The following HMMR variants were observed in gnomAD, a reference collection of about 807,000 sequenced individuals.
HMMR encodes the protein intracellular hyaluronic acid-binding protein.
Under a neutral mutation model 101.0 loss-of-function variants are expected in HMMR, and 108 were observed. The ratio of observed to expected loss-of-function variants is 1.07; its 90% confidence interval spans 0.92 to 1.25. HMMR has a LOEUF of 1.25. Ranked by LOEUF, HMMR falls within the 50% of genes most tolerant of loss-of-function variation. The pLI, the probability that HMMR is intolerant of heterozygous loss-of-function variation, is 0.00. For missense variants in HMMR, 813 were observed against 788.7 expected, an observed-to-expected ratio of 1.03 and a Z score of -0.37; for synonymous variants, 296 against 276.4, an observed-to-expected ratio of 1.07 and a Z score of -0.70.
chr5:163,471,234 T>A lies in HMMR; in HGVS notation c.512T>A (p.Leu171Ter). Residue 171 changes from leucine (L) to a stop codon, truncating the protein, a stop_gained, in exon 6 of 18, where the codon TTG (leucine) becomes TAG (stop). Transcript: ENST00000393915. LOFTEE classifies it high-confidence loss of function. ...QKNLRILSLE[L>*]MKLRNKRETK... ...AATTTGAGAATTCTAAGCTTGGAGT[T>A]GATGAAACTTAGAAACAAAAGAGAA... is the stretch of plus-strand genomic sequence containing the variant. 5 of 1,613,270 alleles carry A rather than the reference T, an allele frequency of 3.1e-6. No individual in the cohort carries two copies. The highest frequency in any genetic ancestry group is 4.2e-6 in the Non-Finnish European group (5 of 1,179,200).
At chr5:163,474,803 G>A (rs1034382139) in intron 10 of HMMR, among the ~76,000 whole-genome samples, 8 of 152,052 alleles carry the variant, frequency 5.3e-5, no homozygotes, top group African/African-American at 1.9e-4. Context: ...GCACTGATGT[G>A]AAATATTATA....
chr5:163,484,321 G>GGTATCAGAA (rs1485176510), intron 16 of HMMR, 76 bp downstream of exon 16: 5 of 696,384 alleles, frequency 7.2e-6, no homozygotes, highest in African/African-American at 1.9e-5. Context: ...TAAATAAAAT[G>GGTATCAGAA]AATATCTTTG....
At chr5:163,488,809 C>T (rs1420676577) in intron 16 of HMMR, among the ~76,000 whole-genome samples, 2 of 152,188 alleles carry the variant, frequency 1.3e-5, no homozygotes, top group African/African-American at 2.4e-5. Context: ...GGATTGCATA[C>T]GAGAGCAGTG....
At position 163,480,515 on chromosome 5, in the gene HMMR, T is replaced by C. The variant is rs74385419; in HGVS notation, c.1385+1715T>C. On this transcript the variant is annotated intron_variant, in intron 12 of 17. Transcript: ENST00000393915. ...CCATTTGGTTAGTTATTATTAGTTA[T>C]TTTGTGACTATAAGAATACATGTAT... 9.3e-4 allele frequency among the ~76,000 whole-genome samples: 141 copies of C among 152,330 alleles called. No individual in the cohort carries two copies. In the East Asian group the frequency reaches 0.024, roughly 25 times the overall value.
intron 4 of HMMR, 38 bp from the exon 5 acceptor site, chr5:163,469,603 A>C (rs942003547): frequency 5.8e-6 from 9 of 1,544,078 alleles, no homozygotes; most frequent in Non-Finnish European, 6.2e-6. Flanking sequence ...TTGGCATTCT[A>C]TCAGTGAATC....
intron 12 of HMMR, among the ~76,000 whole-genome samples, chr5:163,480,756 C>T (rs1344356255): frequency 6.6e-6 from 1 of 152,068 alleles, no homozygotes; most frequent in African/African-American, 2.4e-5. Context: ...CTTTCCTTTT[C>T]CATAAAATGC....
At chr5:163,467,074 C>T (rs1019331921) in intron 3 of HMMR, among the ~76,000 whole-genome samples, 3 of 152,134 alleles carry the variant, frequency 2.0e-5, no homozygotes, top group Non-Finnish European at 4.4e-5. Context: ...TGATGTCACC[C>T]CCACCTCCTG....
intron 4 of HMMR, 54 bp downstream of exon 4, chr5:163,467,802 A>G: frequency 8.9e-7 from 1 of 1,125,526 alleles, no homozygotes; most frequent in Non-Finnish European, 1.3e-6. Flanking sequence ...AGAGAGTTAC[A>G]CAGATTTAAG....
At position 163,483,947 on chromosome 5, in the gene HMMR, A is replaced by C; in HGVS notation, c.1786-122A>C. ...TAGAGAATCTATGGAGAGCCCTGAG[A>C]ATATGTGAACATACCTTGTTTTCAT... is the stretch of plus-strand genomic sequence containing the variant. On this transcript the variant is annotated intron_variant, in intron 15 of 17. Transcript: ENST00000393915. 1.0e-5 allele frequency: 6 copies of C among 571,604 alleles called. No homozygotes were observed. In the South Asian group the frequency reaches 1.5e-4, roughly 14 times the overall value. 35.4% of individuals were successfully genotyped at this position (571,604 alleles called of 1,614,324 possible).
At chr5:163,467,938 A>T (rs1758754074) in intron 4 of HMMR, among the ~76,000 whole-genome samples, 190 bp downstream of exon 4, 1 of 152,248 alleles carries the variant, frequency 6.6e-6, no homozygotes, top group African/African-American at 2.4e-5. Context: ...TTAATGTGGT[A>T]TGCTGGCAAC....
At chr5:163,479,714 A>G (rs943390619) in intron 12 of HMMR, among the ~76,000 whole-genome samples, 1 of 152,016 alleles carries the variant, frequency 6.6e-6, no homozygotes, top group Non-Finnish European at 1.5e-5. Context: ...TACTTCTCTG[A>G]CCCTAACTTC....
chr5:163,471,936 A>G (rs1221905302), intron 7 of HMMR, among the ~76,000 whole-genome samples: 1 of 152,112 alleles, frequency 6.6e-6, no homozygotes, highest in East Asian at 1.9e-4. Context: ...AAGTTCCTTC[A>G]TACCCCTTCT....
At chr5:163,466,226 AC>A (rs2113460047) in intron 3 of HMMR, among the ~76,000 whole-genome samples, 1 of 149,850 alleles carries the variant, frequency 6.7e-6, no homozygotes, top group Non-Finnish European at 1.5e-5. Flanking sequence ...GAGAGATTGC[AC>A]CACTGCACTC....
Position 163,489,058 on chromosome 5 carries a change from A to G in HMMR, c.1963-1332A>G, listed in dbSNP as rs117929825. 3.9e-5 allele frequency among the ~76,000 whole-genome samples: 6 copies of G among 152,228 alleles called. No homozygotes were observed. In the East Asian group the frequency reaches 7.7e-4, roughly 20 times the overall value. On this transcript the variant is annotated intron_variant, in intron 16 of 17. Coordinates refer to ENST00000393915, the MANE Select transcript of HMMR (RefSeq NM_001142556.2). ...CCCAGCTTGTGATGGGTTTATGTGG[A>G]TGGTTTCAGGATTAAAGTGTTCCAC...
Position 163,473,233 on chromosome 5 carries a change from G to A in HMMR, c.705G>A (p.Leu235=). The A allele has an allele frequency of 6.3e-7, 1 of 1,575,198 alleles. No individual in the cohort carries two copies. The highest frequency in any genetic ancestry group is 8.7e-7 in the Non-Finnish European group (1 of 1,147,736). The change falls in exon 8 of 18, where the codon TTG becomes TTA. Residue 235 remains leucine (L), a synonymous_variant. Transcript: ENST00000393915. ...AAAAATCTGAAACAGAAAAACTCTT[G>A]GAATACATCGAAGAAATTAGGTAAT... ...IDEKSETEKL[L]EYIEEISCAS...
At chr5:163,488,519 G>A (rs1051811937) in intron 16 of HMMR, among the ~76,000 whole-genome samples, 1 of 152,092 alleles carries the variant, frequency 6.6e-6, no homozygotes, top group East Asian at 1.9e-4. Context: ...TTTGCTTAAT[G>A]AGTGGCTCAA....
chr5:163,465,958 C>A (rs557264439), intron 3 of HMMR, among the ~76,000 whole-genome samples: 1 of 118,958 alleles, frequency 8.4e-6, no homozygotes, highest in African/African-American at 3.6e-5. Context: ...GAGACTCAGT[C>A]TCTCCAAAAA....
chr5:163,474,406 T>A, intron 10 of HMMR: 1 of 556,270 alleles, frequency 1.8e-6, no homozygotes, highest in Non-Finnish European at 3.3e-6. Context: ...ATGAATAATG[T>A]GGGAAAATGA....
At chr5:163,483,812 G>A (rs990615302) in intron 15 of HMMR, among the ~76,000 whole-genome samples, 4 of 152,044 alleles carry the variant, frequency 2.6e-5, no homozygotes, top group African/African-American at 7.2e-5. Flanking sequence ...TTATAATGTG[G>A]TAATCTAACT....
Sources: gnomAD v4.1 joint callset for allele counts (sites outside exome capture counted in the v4.1 genomes callset) on GRCh38, gnomAD v4.1.1 for gene constraint, MANE v1.5 for transcripts, NCBI Gene and HGNC (gene_info 2026-07-23, HGNC 2026-07-21) for gene names.